DISP1: variants seen among roughly 807,000 people sequenced by gnomAD.
The protein encoded by DISP1 is protein dispatched homolog 1.
A neutral mutation model predicts 37.3 loss-of-function variants in DISP1; 30 were observed. That is an observed-to-expected ratio of 0.80 (90% CI 0.60 to 1.09). The LOEUF (loss-of-function observed/expected upper bound fraction) is 1.09. Among genes scored for constraint, DISP1 ranks in the 50% least tolerant of loss-of-function variants. DISP1 has a pLI of 0.00. For synonymous variants in DISP1, 634 were observed against 690.2 expected (o/e 0.92, Z 1.28); for missense variants, 1,598 against 1,879.5 (o/e 0.85, Z 2.77).
chr1:223,000,754 A>G (rs1236975010), intron 8 of DISP1, among the ~76,000 whole-genome samples: 1 of 152,172 alleles, frequency 6.6e-6, no homozygotes, highest in Non-Finnish European at 1.5e-5. Flanking sequence ...ATCATAGGTA[A>G]CTTGGTTCTT....
At chr1:222,878,707 C>T (rs1338415214) in intron 1 of DISP1, among the ~76,000 whole-genome samples, 2 of 152,090 alleles carry the variant, frequency 1.3e-5, no homozygotes, top group Non-Finnish European at 1.5e-5. Context: ...CAATCAACTA[C>T]AACACTTTAT....
Position 222,943,052 on chromosome 1 carries a change from A to C in DISP1, c.229A>C (p.Met77Leu), listed in dbSNP as rs752936308. Residue 77 changes from methionine (M) to leucine (L), a missense_variant, in exon 3 of 9, where the codon ATG becomes CTG. Transcript: ENST00000675850. ...LPLDNQRMPQ[M>L]LPQCCHPCPY... ...TTTAGACAACCAAAGAATGCCTCAG[A>C]TGTTACCCCAATGCTGCCATCCTTG... 6.2e-6 allele frequency: 10 copies of C among 1,614,034 alleles called. No homozygotes were observed. In the Admixed American group the frequency reaches 1.7e-4, roughly 27 times the overall value.
At chr1:222,890,565 C>T (rs940021371) in intron 1 of DISP1, among the ~76,000 whole-genome samples, 7 of 152,022 alleles carry the variant, frequency 4.6e-5, no homozygotes, top group African/African-American at 1.4e-4. Flanking sequence ...TTGGGGGAAT[C>T]GGGGAAGACT....
chr1:222,840,616 G>A (rs975673551), intron 1 of DISP1, among the ~76,000 whole-genome samples: 10 of 144,680 alleles, frequency 6.9e-5, no homozygotes, highest in Non-Finnish European at 1.2e-4. Flanking sequence ...AGGCTGGAGT[G>A]CAGTGGTGCT....
intron 1 of DISP1, among the ~76,000 whole-genome samples, chr1:222,906,415 G>GT (rs1333874426): frequency 6.6e-6 from 1 of 152,142 alleles, no homozygotes; most frequent in Non-Finnish European, 1.5e-5. Flanking sequence ...TAGGGGCTGG[G>GT]TAAAAAAAAC....
intron 1 of DISP1, among the ~76,000 whole-genome samples, chr1:222,869,058 T>A (rs1669367709): frequency 6.6e-6 from 1 of 152,150 alleles, no homozygotes; most frequent in East Asian, 1.9e-4. Flanking sequence ...AGAAATGAAT[T>A]GCTTAGTGTA....
chr1:222,819,678 T>A (rs1662299560), intron 1 of DISP1, among the ~76,000 whole-genome samples: 2 of 151,768 alleles, frequency 1.3e-5, no homozygotes, highest in Admixed American at 1.3e-4. Flanking sequence ...GTAGCTGAGA[T>A]TACAGGCACC....
At chr1:222,859,903 GCA>G (rs1288087740) in intron 1 of DISP1, among the ~76,000 whole-genome samples, 4 of 152,166 alleles carry the variant, frequency 2.6e-5, no homozygotes, top group Non-Finnish European at 5.9e-5. Flanking sequence ...CACAGTCTGT[GCA>G]CATACTAGGT....
intron 1 of DISP1, among the ~76,000 whole-genome samples, chr1:222,877,387 A>G (rs1261968226): frequency 2.6e-5 from 4 of 152,118 alleles, no homozygotes; most frequent in Non-Finnish European, 5.9e-5. Context: ...TGTGCGGGAG[A>G]ACTCCTATTT....
intron 1 of DISP1, among the ~76,000 whole-genome samples, chr1:222,816,715 A>G (rs976549067): frequency 6.6e-6 from 1 of 152,214 alleles, no homozygotes; most frequent in African/African-American, 2.4e-5. Context: ...TGATATTTAC[A>G]AGTGTAAAGC....
intron 3 of DISP1, among the ~76,000 whole-genome samples, chr1:222,970,987 C>G (rs2102641411): frequency 1.3e-5 from 2 of 152,184 alleles, no homozygotes; most frequent in East Asian, 3.9e-4. Flanking sequence ...TACTTTTCGT[C>G]AGAAAAGTCT....
chr1:222,960,996 A>G (rs1676016142), intron 3 of DISP1, among the ~76,000 whole-genome samples: 1 of 152,188 alleles, frequency 6.6e-6, no homozygotes, highest in Non-Finnish European at 1.5e-5. Context: ...CCAAAAAAAA[A>G]GCCCAGGACC....
Position 223,005,211 on chromosome 1 carries a change from A to C in DISP1, c.3814A>C (p.Ser1272Arg). ...CHFFSLNQRC[S>R]CPDAYKHLNY... is the part of the protein sequence containing the mutation. ...CTTCTTCTCTCTGAATCAGAGATGT[A>C]GCTGCCCAGATGCCTACAAACACTT... The change falls in exon 9 of 9, where the codon AGC (serine) becomes CGC (arginine). Residue 1272 changes from serine (S) to arginine (R), a missense_variant. Ser to Arg is a moderately radical substitution (Grantham distance 110). Transcript: ENST00000675850. 6.2e-7 allele frequency: 1 copy of C among 1,614,128 alleles called. No homozygotes were observed. Among genetic ancestry groups the C allele is most frequent in the Non-Finnish European group, 8.5e-7 (1 of 1,180,010 alleles).
In DISP1 at chr1:222,840,807, C is replaced by T. The variant is rs144254605; in HGVS notation, c.-159+25729C>T. On this transcript the variant is annotated intron_variant, in intron 1 of 8. Transcript: ENST00000675850. ...TCAATCTCCTGACCTTGTGATCCGC[C>T]CACCTCGGCCTCCCAAAGTGCTGGG... Among the ~76,000 whole-genome samples the T allele has an allele frequency of 5.6e-3, 845 of 152,036 alleles. 14 individuals are homozygous for T. The highest frequency in any genetic ancestry group is 0.019 in the African/African-American group (789 of 41,468).
In DISP1 at chr1:223,004,286, C is replaced by T. The variant is rs1290608568; in HGVS notation, c.2889C>T (p.Ser963=). Reference sequence around the variant, plus strand: ...TGAGTTCGGCCCCTGAAGGCCTCAGCAATGGTTGGTTTGTCAGCAATCTGG... The same window carrying T: ...TGAGTTCGGCCCCTGAAGGCCTCAGTAATGGTTGGTTTGTCAGCAATCTGG... ...SELSSAPEGL[S]NGWFVSNLEF... is the part of the protein sequence containing the mutation. The change falls in exon 9 of 9, where the codon AGC becomes AGT. Residue 963 remains serine (S), a synonymous_variant. Transcript: ENST00000675850. This position sits in a 1 kb window ranked among gnomAD's most constrained non-coding sequence, Gnocchi z 4.9. 6.2e-7 allele frequency: 1 copy of T among 1,614,126 alleles called. No homozygotes were observed. Among genetic ancestry groups the T allele is most frequent in the East Asian group, 2.2e-5 (1 of 44,882 alleles).
chr1:222,927,259 C>A (rs1424966769), intron 1 of DISP1, among the ~76,000 whole-genome samples: 2 of 151,950 alleles, frequency 1.3e-5, no homozygotes, highest in Non-Finnish European at 2.9e-5. Flanking sequence ...TAATAAGATA[C>A]CACTTATAAG....
At chr1:222,971,147 C>T (rs1455827277) in intron 3 of DISP1, among the ~76,000 whole-genome samples, 4 of 151,872 alleles carry the variant, frequency 2.6e-5, no homozygotes, top group Admixed American at 6.6e-5. Context: ...AAGCTTTTGA[C>T]AATGATTTGA....
At chr1:222,906,104 C>G (rs896162188) in intron 1 of DISP1, among the ~76,000 whole-genome samples, 13 of 152,112 alleles carry the variant, frequency 8.5e-5, no homozygotes, top group African/African-American at 3.1e-4. Flanking sequence ...CTTTTAATTA[C>G]CAGCAGTTAC....
At chr1:222,826,897 C>T (rs1194407513) in intron 1 of DISP1, among the ~76,000 whole-genome samples, 1 of 152,110 alleles carries the variant, frequency 6.6e-6, no homozygotes, top group East Asian at 1.9e-4. Flanking sequence ...AAGCTGATGC[C>T]TCCTGTTTCA....
Sources: gnomAD v4.1 joint callset for allele counts (sites outside exome capture counted in the v4.1 genomes callset) on GRCh38, gnomAD v4.1.1 for gene constraint, Gnocchi (gnomAD v3.1) non-coding constraint, MANE v1.5 for transcripts, NCBI Gene and HGNC (gene_info 2026-07-23, HGNC 2026-07-21) for gene names.